The following DOCK1 variants were observed in gnomAD, a reference collection of about 807,000 sequenced individuals.
DOCK1 encodes dedicator of cytokinesis 1.
DOCK1 carries 138 observed loss-of-function variants against 262.7 expected under a neutral mutation model. That is an observed-to-expected ratio of 0.53 (90% CI 0.46 to 0.61). The LOEUF (loss-of-function observed/expected upper bound fraction) is 0.61, where lower values mean the gene tolerates loss of function less well. DOCK1 is among the 20% of genes least tolerant of loss of function. DOCK1 has a pLI of 0.00. For missense variants in DOCK1, 1,908 were observed against 2,370.7 expected (o/e 0.80, Z 4.05); for synonymous variants, 866 against 867.4 (o/e 1.00, Z 0.03).
intron 1 of DOCK1, among the ~76,000 whole-genome samples, chr10:126,905,867 C>T (rs1454462614): frequency 6.6e-6 from 1 of 152,026 alleles, no homozygotes; most frequent in Non-Finnish European, 1.5e-5. Flanking sequence ...GGACCTCTGC[C>T]GTGGAGCCCC....
At chr10:127,325,385 T>C (rs2062708340) in intron 29 of DOCK1, among the ~76,000 whole-genome samples, 3 of 152,330 alleles carry the variant, frequency 2.0e-5, no homozygotes, top group Admixed American at 2.0e-4. Flanking sequence ...TGTCAGGAAC[T>C]GTTCTGGGCA....
intron 33 of DOCK1, among the ~76,000 whole-genome samples, chr10:127,364,842 C>T (rs1317012727): frequency 1.3e-5 from 2 of 150,644 alleles, no homozygotes; most frequent in Non-Finnish European, 2.9e-5. Flanking sequence ...CTTCTTTCCT[C>T]CCTTCCTTCT....
chr10:127,018,240 G>A lies in DOCK1; in HGVS notation c.1202-470G>A, dbSNP rs1415304985. Among the ~76,000 whole-genome samples the A allele has an allele frequency of 3.3e-5, 5 of 152,210 alleles. No homozygotes were observed. The South Asian group carries it at 1.0e-3, about 31-fold the overall frequency. On this transcript the variant is annotated intron_variant, in intron 12 of 51. Coordinates refer to ENST00000623213, the MANE Select transcript of DOCK1 (RefSeq NM_001290223.2). ...GTGCTCCACTGCTCGCCCAGGTTGTGTGATGCTGCTTAGCTACTTGAAACT... is the reference window on the plus strand; with the variant it reads ...GTGCTCCACTGCTCGCCCAGGTTGTATGATGCTGCTTAGCTACTTGAAACT...
intron 1 of DOCK1, among the ~76,000 whole-genome samples, chr10:126,956,634 T>C (rs1474919391): frequency 6.6e-6 from 1 of 152,296 alleles, no homozygotes; most frequent in East Asian, 1.9e-4. Context: ...TGTGCACATG[T>C]AGGGTGGCCC....
Position 127,435,321 on chromosome 10 carries a change from G to T in DOCK1, c.5060+1893G>T, listed in dbSNP as rs186692334. Among the ~76,000 whole-genome samples the T allele has an allele frequency of 2.0e-3, 311 of 152,220 alleles. 3 individuals are homozygous for T. Among genetic ancestry groups the T allele is most frequent in the African/African-American group, 7.1e-3 (296 of 41,526 alleles). On this transcript the variant is annotated intron_variant, in intron 48 of 51. Transcript: ENST00000623213. ...ACCCTATCAAACCCACAGGCATCTG[G>T]CCCCCTCAACACACAGAAACAAACT...
chr10:126,941,558 C>T (rs1211205327), intron 1 of DOCK1, among the ~76,000 whole-genome samples: 7 of 152,274 alleles, frequency 4.6e-5, no homozygotes, highest in East Asian at 1.9e-4. Context: ...AGATCGAGAC[C>T]ATCCTGGCTA....
At chr10:127,395,509 A>G (rs1210015053) in intron 38 of DOCK1, among the ~76,000 whole-genome samples, 1 of 152,238 alleles carries the variant, frequency 6.6e-6, no homozygotes, top group East Asian at 1.9e-4. Flanking sequence ...TATTCAGAGC[A>G]TAGCAAAGAC....
At chr10:127,321,866 G>T (rs1156678550) in intron 29 of DOCK1, among the ~76,000 whole-genome samples, 7 of 152,100 alleles carry the variant, frequency 4.6e-5, no homozygotes, top group Non-Finnish European at 8.8e-5. Context: ...ACTTTGGGAG[G>T]CCAAGGCGGG....
intron 23 of DOCK1, among the ~76,000 whole-genome samples, chr10:127,081,679 G>T (rs959719181): frequency 2.0e-5 from 3 of 152,154 alleles, no homozygotes; most frequent in Non-Finnish European, 4.4e-5. Context: ...AAGGCTAGGG[G>T]AAAATGCCTG....
chr10:127,203,697 C>T (rs752652232), intron 27 of DOCK1, among the ~76,000 whole-genome samples: 4 of 147,174 alleles, frequency 2.7e-5, no homozygotes, highest in African/African-American at 7.6e-5. Flanking sequence ...AAACAGTCTT[C>T]GCTTTAATTG....
chr10:127,198,571 A>G (rs2057317744), intron 27 of DOCK1, among the ~76,000 whole-genome samples: 2 of 152,230 alleles, frequency 1.3e-5, no homozygotes, highest in South Asian at 4.1e-4. Flanking sequence ...CGCATGATGT[A>G]TAACTCCAGG....
At chr10:127,170,706 C>G (rs11016595) in intron 27 of DOCK1, among the ~76,000 whole-genome samples, 32,540 of 152,016 alleles carry the variant, frequency 0.21, 4,269 homozygotes, top group South Asian at 0.29. Flanking sequence ...TAGCACTGTT[C>G]TAATAATTGA....
chr10:127,106,879 G>C (rs1049360757), intron 24 of DOCK1, among the ~76,000 whole-genome samples: 5 of 152,148 alleles, frequency 3.3e-5, no homozygotes, highest in African/African-American at 1.2e-4. Context: ...CAGTGGCCAG[G>C]TGTGCTGTTT....
chr10:127,190,548 T>TCCC, intron 27 of DOCK1, among the ~76,000 whole-genome samples: 1 of 149,166 alleles, frequency 6.7e-6, no homozygotes, highest in African/African-American at 2.5e-5. Flanking sequence ...AATTTCCTCC[T>TCCC]ATTTCAAAGT....
intron 1 of DOCK1, among the ~76,000 whole-genome samples, chr10:126,951,921 C>T (rs2036286230): frequency 6.7e-6 from 1 of 150,178 alleles, no homozygotes; most frequent in Non-Finnish European, 1.5e-5. Flanking sequence ...GCGATCTCGG[C>T]TCACTGCAAC....
At chr10:127,445,823 C>T (rs1565098217) in intron 50 of DOCK1, among the ~76,000 whole-genome samples, 1 of 152,178 alleles carries the variant, frequency 6.6e-6, no homozygotes, top group East Asian at 1.9e-4. Context: ...GGAATATTAC[C>T]CAGCCGTAGA....
chr10:126,964,324 C>A (rs1490757008), intron 1 of DOCK1, among the ~76,000 whole-genome samples: 1 of 152,190 alleles, frequency 6.6e-6, no homozygotes, highest in Non-Finnish European at 1.5e-5. Flanking sequence ...AAGCCCAGCT[C>A]AGTGTGGACC....
intron 27 of DOCK1, among the ~76,000 whole-genome samples, chr10:127,174,164 A>G (rs2054844840): frequency 6.6e-6 from 1 of 152,232 alleles, no homozygotes; most frequent in Non-Finnish European, 1.5e-5. Context: ...GGCTTATTTC[A>G]GGCTGGCTTC....
intron 29 of DOCK1, among the ~76,000 whole-genome samples, chr10:127,295,045 G>A (rs774181557): frequency 3.9e-5 from 6 of 152,118 alleles, no homozygotes; most frequent in Non-Finnish European, 5.9e-5. Context: ...ATCACTTGAT[G>A]CCAGGAATTT....
Sources: allele counts gnomAD v4.1 joint callset (sites outside exome capture counted in the v4.1 genomes callset), GRCh38; gene constraint gnomAD v4.1.1; transcripts MANE v1.5; gene names NCBI Gene and HGNC (gene_info 2026-07-23, HGNC 2026-07-21).